The following GRIN2A variants were observed in gnomAD, a reference collection of about 807,000 sequenced individuals.
GRIN2A encodes glutamate receptor ionotropic, NMDA 2A.
In GRIN2A, 22 loss-of-function variants were observed where a neutral mutation model predicts 113.4. That is an observed-to-expected ratio of 0.19 (90% confidence interval 0.14 to 0.28). The LOEUF (loss-of-function observed/expected upper bound fraction) is 0.28. Among genes scored for constraint, GRIN2A ranks in the 10% least tolerant of loss-of-function variants. The probability of loss-of-function intolerance (pLI) is 1.00; values close to 1 mark genes in which losing one functional copy is unlikely to be tolerated. For synonymous variants in GRIN2A, 827 were observed against 738.4 expected (o/e 1.12, Z -1.94); for missense variants, 1,502 against 1,887.0 (o/e 0.80, Z 3.78).
intron 2 of GRIN2A, among the ~76,000 whole-genome samples, chr16:10,025,082 T>G: frequency 6.7e-6 from 1 of 148,900 alleles, no homozygotes; most frequent in Non-Finnish European, 1.5e-5. Flanking sequence ...TGAGAGGAGA[T>G]GGAGAGGAAA....
At chr16:9,886,831 A>T (rs8060093) in intron 4 of GRIN2A, among the ~76,000 whole-genome samples, 44,093 of 151,994 alleles carry the variant, frequency 0.29, 7,466 homozygotes, top group African/African-American at 0.47. Flanking sequence ...TAAATATGAA[A>T]GCTCAGTGAA....
chr16:10,066,231 G>A (rs2047646302), intron 2 of GRIN2A, among the ~76,000 whole-genome samples: 1 of 152,064 alleles, frequency 6.6e-6, no homozygotes, highest in African/African-American at 2.4e-5. Context: ...GCCTCTCAGG[G>A]GCCTTTACTT....
In GRIN2A at chr16:10,111,565, A is replaced by T; in HGVS notation, c.414+68433T>A. The T allele has an allele frequency of 4.8e-6, 4 of 837,094 alleles. No individual in the cohort carries two copies. The South Asian group carries it at 5.3e-5, about 11-fold the overall frequency. The allele number at this position is 837,094 out of a possible 1,614,324, so 51.9% of individuals were successfully genotyped here. ...AGCCCTGACCCGGAAGATCATGCTG[A>T]AGACACCACTGATCTCTTCCCCTAT... On this transcript the variant is annotated intron_variant, in intron 2 of 12. Transcript: ENST00000330684.
chr16:9,939,625 T>C (rs951760807), intron 2 of GRIN2A, among the ~76,000 whole-genome samples: 1 of 152,176 alleles, frequency 6.6e-6, no homozygotes, highest in African/African-American at 2.4e-5. Context: ...ATAATGATCC[T>C]ACAAAGTTGG....
intron 9 of GRIN2A, among the ~76,000 whole-genome samples, chr16:9,822,934 A>G (rs1037286107): frequency 9.2e-5 from 14 of 151,792 alleles, no homozygotes; most frequent in African/African-American, 3.4e-4. Flanking sequence ...ATATATTACC[A>G]CTCATTCATT....
chr16:9,764,025 A>T lies in GRIN2A; in HGVS notation c.3519T>A (p.His1173Gln), dbSNP rs1308402838. 5 of 1,613,968 alleles carry T rather than the reference A, an allele frequency of 3.1e-6. No individual in the cohort carries two copies. Among genetic ancestry groups the T allele is most frequent in the Non-Finnish European group, 4.2e-6 (5 of 1,180,002 alleles). ...CGTTGTTGGAAAGCCCCTCTTCATT[A>T]TGCAAGGGGTTCCGGTTCATTGGCA... Reference protein sequence around the residue: ...STLPMNRNPLHNEEGLSNNDQ... With the variant: ...STLPMNRNPLQNEEGLSNNDQ... Residue 1173 changes from histidine to glutamine, a missense_variant, in exon 13 of 13, where the codon CAT becomes CAA. By Grantham distance (24) the His-to-Gln change is conservative. Transcript: ENST00000330684.
At chr16:9,876,842 G>A (rs2043377403) in intron 4 of GRIN2A, among the ~76,000 whole-genome samples, 1 of 152,132 alleles carries the variant, frequency 6.6e-6, no homozygotes, top group Admixed American at 6.5e-5. Context: ...GACTAGCTGG[G>A]TGCATGGGTG....
At chr16:10,112,607 G>A in intron 2 of GRIN2A, 1 of 771,122 alleles carries the variant, frequency 1.3e-6, no homozygotes. Flanking sequence ...AGCTCAAGAA[G>A]TACTGGGGCA....
intron 2 of GRIN2A, among the ~76,000 whole-genome samples, chr16:9,967,976 G>A (rs1309535715): frequency 6.6e-6 from 1 of 152,188 alleles, no homozygotes; most frequent in Non-Finnish European, 1.5e-5. Flanking sequence ...AGACACTTAT[G>A]ACTGCGGTTG....
intron 10 of GRIN2A, among the ~76,000 whole-genome samples, chr16:9,820,317 C>A (rs997117835): frequency 6.6e-6 from 1 of 152,168 alleles, no homozygotes; most frequent in African/African-American, 2.4e-5. Flanking sequence ...GATTAAAAGA[C>A]CACAATGGAA....
intron 2 of GRIN2A, among the ~76,000 whole-genome samples, chr16:10,066,175 G>A (rs2047645562): frequency 6.6e-6 from 1 of 152,150 alleles, no homozygotes; most frequent in Non-Finnish European, 1.5e-5. Flanking sequence ...GTGTTGGAGT[G>A]GGAGGCTGCC....
intron 2 of GRIN2A, among the ~76,000 whole-genome samples, chr16:9,989,094 C>A (rs1200773987): frequency 6.6e-6 from 1 of 152,078 alleles, no homozygotes; most frequent in Non-Finnish European, 1.5e-5. Flanking sequence ...CAAGGCAATC[C>A]TAAGCAAAAA....
chr16:9,843,730 C>T (rs1273111868), intron 5 of GRIN2A, among the ~76,000 whole-genome samples: 2 of 151,586 alleles, frequency 1.3e-5, no homozygotes, highest in African/African-American at 2.4e-5. Flanking sequence ...TCATCCACCA[C>T]CCTTAGTGGG....
intron 2 of GRIN2A, among the ~76,000 whole-genome samples, chr16:10,164,984 A>G (rs2049881756): frequency 6.6e-6 from 1 of 152,182 alleles, no homozygotes; most frequent in Non-Finnish European, 1.5e-5. Context: ...CCAGTGATTC[A>G]ATCTTTCTGG....
At position 9,976,177 on chromosome 16, in the gene GRIN2A, C is replaced by A. The variant is rs555182300; in HGVS notation, c.415-37626G>T. ...CTTACATAAATGGGGAGCCTCGTGT[C>A]ACTTACATAAATAATCACCTTGAAC... On this transcript the variant is annotated intron_variant, in intron 2 of 12. Transcript: ENST00000330684. 5.3e-5 allele frequency among the ~76,000 whole-genome samples: 8 copies of A among 152,304 alleles called. No individual in the cohort carries two copies. In the South Asian group the frequency reaches 1.7e-3, roughly 32 times the overall value.
chr16:9,997,529 C>G (rs985137972), intron 2 of GRIN2A, among the ~76,000 whole-genome samples: 1 of 152,142 alleles, frequency 6.6e-6, no homozygotes, highest in Non-Finnish European at 1.5e-5. Flanking sequence ...AGAGACAAAG[C>G]TAAAGCCCTC....
At chr16:10,118,857 T>C (rs1022104063) in intron 2 of GRIN2A, among the ~76,000 whole-genome samples, 3 of 152,252 alleles carry the variant, frequency 2.0e-5, no homozygotes, top group Admixed American at 1.3e-4. Flanking sequence ...AAATCATCAG[T>C]AGTCCAATTG....
chr16:10,178,297 C>T (rs933678724), intron 2 of GRIN2A, among the ~76,000 whole-genome samples: 1 of 152,184 alleles, frequency 6.6e-6, no homozygotes, highest in African/African-American at 2.4e-5. Flanking sequence ...TGAAACTGAT[C>T]CCTTGTCCCT....
At chr16:10,112,461 A>G (rs1161028275) in intron 2 of GRIN2A, 6 of 847,806 alleles carry the variant, frequency 7.1e-6, no homozygotes, top group South Asian at 6.7e-5. Flanking sequence ...TGTGTCCATC[A>G]TAGCCGATGT....
Sources: allele counts gnomAD v4.1 joint callset (sites outside exome capture counted in the v4.1 genomes callset), GRCh38; gene constraint gnomAD v4.1.1; transcripts MANE v1.5; gene names NCBI Gene and HGNC (gene_info 2026-07-23, HGNC 2026-07-21).